PXDNL: variants seen among roughly 807,000 people sequenced by gnomAD.
PXDNL encodes the protein peroxidasin like.
In PXDNL, 145 loss-of-function variants were observed where a neutral mutation model predicts 150.8. The observed-to-expected ratio is 0.96, with a 90% CI of 0.84 to 1.10. The LOEUF is 1.10. PXDNL is among the 50% of genes least tolerant of loss of function. The pLI is 0.00. For synonymous variants in PXDNL, 757 were observed against 725.7 expected (o/e 1.04, Z -0.69); for missense variants, 2,087 against 1,873.9 (o/e 1.11, Z -2.10).
At chr8:51,324,575 T>C (rs910454654) in intron 21 of PXDNL, among the ~76,000 whole-genome samples, 1 of 152,248 alleles carries the variant, frequency 6.6e-6, no homozygotes, top group Admixed American at 6.5e-5. Flanking sequence ...GTTGGATGTT[T>C]TATTATAATC....
At chr8:51,785,352 C>T (rs773304691) in intron 1 of PXDNL, among the ~76,000 whole-genome samples, 3 of 152,072 alleles carry the variant, frequency 2.0e-5, no homozygotes, top group Non-Finnish European at 2.9e-5. Flanking sequence ...TTTATTATTA[C>T]GATGATTCAT....
chr8:51,502,786 C>T (rs566733592), intron 4 of PXDNL, among the ~76,000 whole-genome samples: 2 of 152,104 alleles, frequency 1.3e-5, no homozygotes, highest in East Asian at 1.9e-4. Flanking sequence ...ATCAAATGTG[C>T]ATCCTCCATA....
intron 4 of PXDNL, among the ~76,000 whole-genome samples, chr8:51,513,613 A>G (rs1811472271): frequency 6.6e-6 from 1 of 152,274 alleles, no homozygotes; most frequent in Non-Finnish European, 1.5e-5. Flanking sequence ...CAATATTGAA[A>G]CATTTTCTAT....
chr8:51,451,631 C>A (rs1335812496), intron 10 of PXDNL, among the ~76,000 whole-genome samples: 2 of 152,136 alleles, frequency 1.3e-5, no homozygotes, highest in African/African-American at 4.8e-5. Context: ...TGATTCATAT[C>A]TTTCATTGAA....
Position 51,408,086 on chromosome 8 carries a change from T to C in PXDNL, c.3538A>G (p.Ile1180Val). The change falls in exon 17 of 23, where the codon ATT becomes GTT. Residue 1180 changes from isoleucine (I) to valine (V), a missense_variant. Physicochemically the swap from Ile to Val is conservative, Grantham distance 29. Coordinates refer to ENST00000356297, the MANE Select transcript of PXDNL (RefSeq NM_144651.5). ...ACTTACTTTCTCAGTTTTTGTCTAA[T>C]CTCTGAATCTTTAATTTCATTTTGA... ...DLQNEIKDSE[I>V]RQKLRKLYGS... 6.2e-7 allele frequency: 1 copy of C among 1,606,236 alleles called. No homozygotes were observed. Among genetic ancestry groups the C allele is most frequent in the Non-Finnish European group, 8.5e-7 (1 of 1,177,590 alleles).
chr8:51,610,396 A>G (rs186278169), intron 2 of PXDNL, among the ~76,000 whole-genome samples: 17 of 152,320 alleles, frequency 1.1e-4, no homozygotes, highest in Non-Finnish European at 2.2e-4. Flanking sequence ...ATTAAAAACT[A>G]TACATTTGCT....
At chr8:51,498,185 A>C (rs933884296) in intron 5 of PXDNL, among the ~76,000 whole-genome samples, 9 of 151,778 alleles carry the variant, frequency 5.9e-5, no homozygotes, top group Non-Finnish European at 1.2e-4. Flanking sequence ...GCAAGGACAG[A>C]AAACGAAACA....
chr8:51,744,731 AGAAAG>A (rs2036957418), intron 1 of PXDNL, among the ~76,000 whole-genome samples: 1 of 1,850 alleles, frequency 5.4e-4, no homozygotes, highest in African/African-American at 9.2e-4. Context: ...GAAAAAGAAA[AGAAAG>A]AAAGAGAAAA....
intron 1 of PXDNL, among the ~76,000 whole-genome samples, chr8:51,808,941 TCTGGAAGATG>T (rs1474019125): frequency 6.6e-6 from 1 of 152,172 alleles, no homozygotes; most frequent in Admixed American, 6.5e-5. Flanking sequence ...AATGCTAAGT[TCTGGAAGATG>T]CTGGAAGAGA....
chr8:51,732,558 C>T (rs1381856851), intron 1 of PXDNL, among the ~76,000 whole-genome samples: 3 of 152,230 alleles, frequency 2.0e-5, no homozygotes, highest in African/African-American at 4.8e-5. Flanking sequence ...TTTACAACAG[C>T]GCCCCACTCT....
intron 19 of PXDNL, among the ~76,000 whole-genome samples, chr8:51,358,825 G>C (rs776293471): frequency 2.0e-5 from 3 of 152,204 alleles, no homozygotes; most frequent in Non-Finnish European, 4.4e-5. Context: ...CAGTGTGCTT[G>C]AGAGGACAGG....
intron 1 of PXDNL, among the ~76,000 whole-genome samples, chr8:51,791,108 C>A (rs1001627403): frequency 6.6e-6 from 1 of 152,106 alleles, no homozygotes; most frequent in African/African-American, 2.4e-5. Context: ...CCCAAAGACA[C>A]ACAGCTCATA....
chr8:51,366,017 C>A (rs1170278638), intron 19 of PXDNL, among the ~76,000 whole-genome samples: 1 of 152,196 alleles, frequency 6.6e-6, no homozygotes, highest in African/African-American at 2.4e-5. Context: ...GTTGCCCCTA[C>A]TGTAACCCTC....
chr8:51,769,941 T>C (rs1310724337), intron 1 of PXDNL, among the ~76,000 whole-genome samples: 1 of 152,218 alleles, frequency 6.6e-6, no homozygotes, highest in Non-Finnish European at 1.5e-5. Context: ...GAATGTCCAA[T>C]GGGTGACTTT....
intron 8 of PXDNL, among the ~76,000 whole-genome samples, chr8:51,471,087 C>G (rs10105268): frequency 1.9e-4 from 28 of 146,636 alleles, no homozygotes; most frequent in African/African-American, 6.4e-4. Flanking sequence ...GCAATCTATC[C>G]GTCTGACAAA....
At chr8:51,417,471 T>C (rs1300957975) in intron 14 of PXDNL, among the ~76,000 whole-genome samples, 1 of 152,058 alleles carries the variant, frequency 6.6e-6, no homozygotes, top group Non-Finnish European at 1.5e-5. Context: ...TGGCTCTGGG[T>C]GACTTGGGGA....
At position 51,809,376 on chromosome 8, in the gene PXDNL, C is replaced by T; in HGVS notation, c.-32G>A. 1 of 1,509,992 alleles carries T rather than the reference C, an allele frequency of 6.6e-7. No homozygotes were observed. Among genetic ancestry groups the T allele is most frequent in the Non-Finnish European group, 8.9e-7 (1 of 1,128,930 alleles). 93.5% of individuals were successfully genotyped at this position (1,509,992 alleles called of 1,614,324 possible). ...ATTCGCTGCTGGCCACGCGAAGAAG[C>T]AGCCGGAGGGAGAGCAGCAGCTGCA... On this transcript the variant is annotated 5_prime_UTR_variant, in exon 1 of 23. Coordinates refer to ENST00000356297, the MANE Select transcript of PXDNL (RefSeq NM_144651.5).
chr8:51,644,748 C>T (rs1201751636), intron 2 of PXDNL, among the ~76,000 whole-genome samples: 3 of 151,700 alleles, frequency 2.0e-5, no homozygotes, highest in East Asian at 2.0e-4. Flanking sequence ...TGAGTCACCG[C>T]GCCGGGATGA....
At chr8:51,530,790 C>T (rs150303379) in intron 4 of PXDNL, among the ~76,000 whole-genome samples, 2 of 152,310 alleles carry the variant, frequency 1.3e-5, no homozygotes, top group African/African-American at 4.8e-5. Flanking sequence ...CACATCCCAC[C>T]CTTGCACCAT....
Sources: allele counts gnomAD v4.1 joint callset (sites outside exome capture counted in the v4.1 genomes callset), GRCh38; gene constraint gnomAD v4.1.1; transcripts MANE v1.5; gene names NCBI Gene and HGNC (gene_info 2026-07-23, HGNC 2026-07-21).